The following CYFIP1 variants were observed in gnomAD, a reference collection of about 807,000 sequenced individuals.
CYFIP1 encodes cytoplasmic FMR1-interacting protein 1.
In CYFIP1, 58 loss-of-function variants were observed where a neutral mutation model predicts 163.5. The ratio of observed to expected loss-of-function variants is 0.35; its 90% CI spans 0.29 to 0.44. CYFIP1 has a LOEUF of 0.44. Ranked by LOEUF, CYFIP1 falls within the 20% of genes least tolerant of loss-of-function variation. The pLI is 1.00. For missense variants in CYFIP1, 1,338 were observed against 1,653.8 expected, an observed-to-expected ratio of 0.81 and a Z score of 3.31; for synonymous variants, 663 against 660.7, an observed-to-expected ratio of 1.00 and a Z score of -0.05.
intron 13 of CYFIP1, among the ~76,000 whole-genome samples, chr15:22,924,101 A>C (rs901725515): frequency 3.9e-5 from 6 of 152,160 alleles, no homozygotes; most frequent in African/African-American, 1.4e-4. Context: ...AAACAGAACA[A>C]AACAGTGATA....
intron 23 of CYFIP1, among the ~76,000 whole-genome samples, chr15:22,887,180 T>C (rs1335838658): frequency 6.6e-6 from 1 of 152,188 alleles, no homozygotes; most frequent in Non-Finnish European, 1.5e-5. Flanking sequence ...TGTAAGACTC[T>C]GAGTTATGTG....
chr15:22,872,660 T>C (rs987139059), intron 30 of CYFIP1, 165 bp downstream of exon 30: 1 of 655,834 alleles, frequency 1.5e-6, no homozygotes, highest in African/African-American at 1.8e-5. Flanking sequence ...ACTGCTTTAC[T>C]GGCCAATTAT....
intron 23 of CYFIP1, among the ~76,000 whole-genome samples, chr15:22,885,698 A>C (rs2059909781): frequency 6.6e-6 from 1 of 152,120 alleles, no homozygotes; most frequent in Non-Finnish European, 1.5e-5. Context: ...GCGCCATTGC[A>C]CTCCAGCCTG....
chr15:22,932,296 C>A lies in CYFIP1; in HGVS notation c.1037G>T (p.Cys346Phe). Residue 346 changes from cysteine to phenylalanine, a missense_variant, in exon 11 of 31, where the codon TGC (cysteine) becomes TTC (phenylalanine). Transcript: ENST00000617928. The part of the protein sequence containing the change: ...SSGSSPQYNI[C>F]EQMIQIREDH... ...CTCGCGGATCTGGATCATCTGCTCGCAGATGTTGTACTGAGGGCTGCTGCC... is the reference window on the plus strand; with the variant it reads ...CTCGCGGATCTGGATCATCTGCTCGAAGATGTTGTACTGAGGGCTGCTGCC... The A allele has an allele frequency of 1.9e-6, 3 of 1,612,840 alleles. No homozygotes were observed. The highest frequency in any genetic ancestry group is 2.5e-6 in the Non-Finnish European group (3 of 1,179,480).
At chr15:22,979,336 T>C (rs1328512202) in intron 1 of CYFIP1, among the ~76,000 whole-genome samples, 1 of 151,780 alleles carries the variant, frequency 6.6e-6, no homozygotes, top group Non-Finnish European at 1.5e-5. Flanking sequence ...AGCATAGCAA[T>C]GTGCGCACTG....
intron 1 of CYFIP1, among the ~76,000 whole-genome samples, chr15:22,959,953 C>T (rs941989221): frequency 9.2e-5 from 14 of 152,206 alleles, no homozygotes; most frequent in African/African-American, 2.2e-4. Context: ...CCTGAATCCC[C>T]GAATCCCCAC....
At chr15:22,892,845 T>A in intron 23 of CYFIP1, 45 bp downstream of exon 23, 1 of 1,411,448 alleles carries the variant, frequency 7.1e-7, no homozygotes, top group African/African-American at 1.4e-5. Flanking sequence ...AAAACATGCT[T>A]CATTATGAGC....
intron 1 of CYFIP1, among the ~76,000 whole-genome samples, chr15:22,978,353 A>C (rs1231218835): frequency 4.9e-5 from 2 of 40,936 alleles, no homozygotes; most frequent in Admixed American, 3.6e-4. Flanking sequence ...ACTCTGTCAC[A>C]AAAAAAAAAA....
At chr15:22,956,020 A>G (rs1021703162) in intron 1 of CYFIP1, among the ~76,000 whole-genome samples, 3 of 152,164 alleles carry the variant, frequency 2.0e-5, no homozygotes, top group Non-Finnish European at 4.4e-5. Flanking sequence ...CAGCCTGGCT[A>G]ACATGGCGAA....
chr15:22,952,124 C>G (rs7172586), intron 1 of CYFIP1, among the ~76,000 whole-genome samples: 52,543 of 151,960 alleles, frequency 0.35, 10,004 homozygotes, highest in South Asian at 0.57. Context: ...AAGTGAAATA[C>G]GCCAGTCACA....
chr15:22,895,085 G>C (rs2060201056), intron 22 of CYFIP1, among the ~76,000 whole-genome samples: 1 of 151,138 alleles, frequency 6.6e-6, no homozygotes, highest in Non-Finnish European at 1.5e-5. Flanking sequence ...CGTGATCTTG[G>C]CTCACTGTAA....
intron 21 of CYFIP1, among the ~76,000 whole-genome samples, chr15:22,907,303 A>G (rs1480839529): frequency 1.3e-5 from 2 of 152,134 alleles, no homozygotes; most frequent in Non-Finnish European, 2.9e-5. Flanking sequence ...GGGCAGCACA[A>G]CTCATGTGTA....
intron 21 of CYFIP1, among the ~76,000 whole-genome samples, chr15:22,908,486 G>C (rs916644956): frequency 2.1e-5 from 3 of 144,974 alleles, no homozygotes; most frequent in Non-Finnish European, 3.0e-5. Flanking sequence ...GAAGACCCTT[G>C]TGGGCTCTCT....
At chr15:22,965,482 T>C (rs1427447137) in intron 1 of CYFIP1, among the ~76,000 whole-genome samples, 1 of 152,240 alleles carries the variant, frequency 6.6e-6, no homozygotes, top group Non-Finnish European at 1.5e-5. Context: ...CAGTGTTCAC[T>C]GCAGTAACAC....
intron 1 of CYFIP1, among the ~76,000 whole-genome samples, chr15:22,948,683 T>C (rs2062140724): frequency 6.6e-6 from 1 of 151,850 alleles, no homozygotes; most frequent in Non-Finnish European, 1.5e-5. Flanking sequence ...TGCTATGAAA[T>C]GCTCTAACGA....
chr15:22,899,787 C>T (rs1201929876), intron 22 of CYFIP1, among the ~76,000 whole-genome samples: 2 of 152,114 alleles, frequency 1.3e-5, no homozygotes, highest in African/African-American at 4.8e-5. Context: ...GTGGCTCATG[C>T]GTGTAATCCC....
intron 28 of CYFIP1, 112 bp downstream of exon 28, chr15:22,874,438 C>G: frequency 7.1e-6 from 5 of 707,644 alleles, no homozygotes; most frequent in Non-Finnish European, 9.2e-6. Flanking sequence ...GCCTGAGCAG[C>G]CACGCAGCCG....
intron 1 of CYFIP1, among the ~76,000 whole-genome samples, chr15:22,950,915 C>G (rs1276223710): frequency 1.3e-5 from 2 of 152,226 alleles, no homozygotes; most frequent in Non-Finnish European, 2.9e-5. Context: ...AGAGAGACCA[C>G]GTTCACATAA....
intron 1 of CYFIP1, among the ~76,000 whole-genome samples, chr15:22,977,131 A>G (rs1463446647): frequency 1.3e-5 from 2 of 151,844 alleles, no homozygotes; most frequent in Non-Finnish European, 2.9e-5. Flanking sequence ...CCCGGGAGGC[A>G]GAGGTTGCGG....
Sources: allele counts gnomAD v4.1 joint callset (sites outside exome capture counted in the v4.1 genomes callset), GRCh38; gene constraint gnomAD v4.1.1; transcripts MANE v1.5; gene names NCBI Gene and HGNC (gene_info 2026-07-23, HGNC 2026-07-21).